Variants in EPS8 observed in about 807,000 individuals in gnomAD.
EPS8 encodes the protein epidermal growth factor receptor kinase substrate 8.
EPS8 carries 42 observed loss-of-function variants against 103.8 expected under a neutral mutation model. The observed-to-expected ratio is 0.40, with a 90% CI of 0.32 to 0.52. The LOEUF (loss-of-function observed/expected upper bound fraction) is 0.52, where lower values mean the gene tolerates loss of function less well. Ranked by LOEUF, EPS8 falls within the 20% of genes least tolerant of loss-of-function variation. The pLI is 0.40. For missense variants in EPS8, 969 were observed against 1,005.1 expected (o/e 0.96, Z 0.49); for synonymous variants, 344 against 344.6 (o/e 1.00, Z 0.02).
intron 12 of EPS8, chr12:15,657,830 A>C (rs529449152): frequency 3.9e-4 from 151 of 390,330 alleles, no homozygotes; most frequent in African/African-American, 3.0e-3. Flanking sequence ...ATAAATCTTT[A>C]TTTCTTTTCA....
chr12:15,717,200 A>G lies in EPS8; in HGVS notation c.-21-34228T>C, dbSNP rs763912543. 6.6e-6 allele frequency among the ~76,000 whole-genome samples: 1 copy of G among 152,226 alleles called. No individual in the cohort carries two copies. The highest frequency in any genetic ancestry group is 6.5e-5 in the Admixed American group (1 of 15,284). On this transcript the variant is annotated intron_variant, in intron 1 of 20. Transcript: ENST00000281172. The surrounding 1 kb of genome is among the most constrained non-coding windows in gnomAD (Gnocchi z 4.3). ...ATGCAAAAGGACAAACATGCCTGGC[A>G]TGTAAATGATGGGAATTTGTTAAAA... is the stretch of plus-strand genomic sequence containing the variant.
chr12:15,685,463 C>CTAT, intron 1 of EPS8, among the ~76,000 whole-genome samples: 5 of 152,076 alleles, frequency 3.3e-5, no homozygotes, highest in African/African-American at 1.2e-4. Flanking sequence ...GTTTTAAAAC[C>CTAT]ACAGCAGCTG....
chr12:15,722,145 A>G (rs1390412592), intron 1 of EPS8, among the ~76,000 whole-genome samples: 1 of 151,906 alleles, frequency 6.6e-6, no homozygotes, highest in Admixed American at 6.6e-5. Flanking sequence ...TGGAAGAAGA[A>G]GAATTGTCTT....
At chr12:15,740,490 A>G (rs1445835668) in intron 1 of EPS8, among the ~76,000 whole-genome samples, 1 of 152,106 alleles carries the variant, frequency 6.6e-6, no homozygotes, top group African/African-American at 2.4e-5. Flanking sequence ...GGTTGCGGTG[A>G]ACCGAGATCA....
At chr12:15,786,226 T>C (rs1385460681) in intron 1 of EPS8, among the ~76,000 whole-genome samples, 2 of 151,976 alleles carry the variant, frequency 1.3e-5, no homozygotes, top group Non-Finnish European at 2.9e-5. Context: ...ACCCTTGATA[T>C]GAGATGAAAA....
At position 15,654,528 on chromosome 12, in the gene EPS8, G is replaced by C. The variant is rs1008205292; in HGVS notation, c.1102-235C>G. The C allele has an allele frequency of 1.1e-5, 6 of 525,164 alleles. No individual in the cohort carries two copies. In the African/African-American group the frequency reaches 1.2e-4, roughly 10 times the overall value. The allele number at this position is 525,164 out of a possible 1,614,324, so 32.5% of individuals were successfully genotyped here. ...CAATTTAACAACTTTCACAGCATCT[G>C]CCTATGGGCTGCATATGACTATAGT... On this transcript the variant is annotated intron_variant, in intron 12 of 20. Coordinates refer to ENST00000281172, the MANE Select transcript of EPS8 (RefSeq NM_004447.6).
chr12:15,662,270 A>G, intron 8 of EPS8, 171 bp from the exon 9 acceptor site: 5 of 1,437,596 alleles, frequency 3.5e-6, no homozygotes, highest in Non-Finnish European at 4.5e-6. Context: ...ATCCTTGTCA[A>G]TACTAACAGG....
At chr12:15,741,818 T>A (rs1173568337) in intron 1 of EPS8, among the ~76,000 whole-genome samples, 1 of 152,088 alleles carries the variant, frequency 6.6e-6, no homozygotes, top group Admixed American at 6.5e-5. Context: ...ACCCATTAAC[T>A]CGTCATTTAC....
chr12:15,689,921 T>A (rs1946149473), intron 1 of EPS8, among the ~76,000 whole-genome samples: 1 of 152,184 alleles, frequency 6.6e-6, no homozygotes, highest in African/African-American at 2.4e-5. Flanking sequence ...AATATCATCT[T>A]TAATGAGACT....
chr12:15,661,590 G>A (rs946034497), intron 9 of EPS8, among the ~76,000 whole-genome samples: 1 of 152,054 alleles, frequency 6.6e-6, no homozygotes, highest in Non-Finnish European at 1.5e-5. Context: ...TTTTATAAAA[G>A]CTTTACGATT....
At chr12:15,707,739 A>G (rs1201784306) in intron 1 of EPS8, among the ~76,000 whole-genome samples, 1 of 152,166 alleles carries the variant, frequency 6.6e-6, no homozygotes, top group Non-Finnish European at 1.5e-5. Flanking sequence ...CCTTTGTAAG[A>G]ATTTGATTAG....
intron 1 of EPS8, among the ~76,000 whole-genome samples, chr12:15,715,312 T>G (rs2417474): frequency 6.6e-6 from 1 of 151,306 alleles, no homozygotes; most frequent in Admixed American, 6.6e-5. Flanking sequence ...ACATCCCCCT[T>G]GGCCCAACAG....
At chr12:15,666,003 G>T in intron 7 of EPS8, 111 bp from the exon 8 acceptor site, 1 of 1,094,524 alleles carries the variant, frequency 9.1e-7, no homozygotes, top group Non-Finnish European at 1.3e-6. Context: ...TATGTCAAGG[G>T]ACAATAAGGA....
intron 15 of EPS8, among the ~76,000 whole-genome samples, chr12:15,644,642 G>A (rs1945289453): frequency 6.6e-6 from 1 of 150,574 alleles, no homozygotes; most frequent in Non-Finnish European, 1.5e-5. Context: ...AGCTTGCAGT[G>A]AGCCAAGATC....
rs1450946635 is a variant in EPS8 at position 15,772,782 on chromosome 12, A to T, written c.-22+16379T>A. 6.6e-6 allele frequency among the ~76,000 whole-genome samples: 1 copy of T among 152,210 alleles called. No individual in the cohort carries two copies. Among genetic ancestry groups the T allele is most frequent in the Non-Finnish European group, 1.5e-5 (1 of 68,024 alleles). On this transcript the variant is annotated intron_variant, in intron 1 of 20. Transcript: ENST00000281172. The surrounding 1 kb of genome is among the most constrained non-coding windows in gnomAD (Gnocchi z 5.0). The stretch of plus-strand genomic sequence containing the variant: ...AAGGAAGAGAATATTCTTTTTATTT[A>T]AAAGAAGGCAAAAATCATTACAAAC...
chr12:15,722,580 C>T (rs1423745883), intron 1 of EPS8, among the ~76,000 whole-genome samples: 2 of 152,282 alleles, frequency 1.3e-5, no homozygotes, highest in East Asian at 1.9e-4. Flanking sequence ...CACCAACTTA[C>T]ACTCTGTCTT....
At chr12:15,763,851 C>T (rs950187645) in intron 1 of EPS8, among the ~76,000 whole-genome samples, 12 of 152,130 alleles carry the variant, frequency 7.9e-5, no homozygotes, top group Admixed American at 7.9e-4. Context: ...TTTATGTCCC[C>T]ATACTTTTTT....
At chr12:15,634,833 A>T (rs1945108525) in intron 17 of EPS8, 1 of 398,306 alleles carries the variant, frequency 2.5e-6, no homozygotes, top group African/African-American at 2.1e-5. Context: ...AAATAATATC[A>T]ATTATAATTC....
At position 15,658,097 on chromosome 12, in the gene EPS8, C is replaced by T. The variant is rs76040570; in HGVS notation, c.1083G>A (p.Leu361=). The T allele has an allele frequency of 1.2e-3, 1,896 of 1,606,034 alleles. 2 individuals are homozygous for T. Among genetic ancestry groups the T allele is most frequent in the Middle Eastern group, 3.0e-3 (18 of 6,042 alleles). Residue 361 remains leucine, a synonymous_variant, in exon 12 of 21, where the codon TTG becomes TTA. Coordinates refer to ENST00000281172, the MANE Select transcript of EPS8 (RefSeq NM_004447.6). ...ATCTCACCATATTTAATGGAGTAAA[C>T]AAAAAGTGAACCAAATCTGCAGCAC... ...NPSAADLVHF[L]FTPLNMVVQA...
Sources: allele counts gnomAD v4.1 joint callset (sites outside exome capture counted in the v4.1 genomes callset), GRCh38; gene constraint gnomAD v4.1.1; non-coding constraint Gnocchi (gnomAD v3.1); transcripts MANE v1.5; gene names NCBI Gene and HGNC (gene_info 2026-07-23, HGNC 2026-07-21).